TPP2: variants seen among roughly 807,000 people sequenced by gnomAD.
TPP2 encodes tripeptidyl peptidase 2.
A neutral mutation model predicts 155.9 loss-of-function variants in TPP2; 34 were observed. That is an observed-to-expected ratio of 0.22 (90% CI 0.17 to 0.29). TPP2 has a LOEUF of 0.29. Ranked by LOEUF, TPP2 falls within the 10% of genes least tolerant of loss-of-function variation. TPP2 has a pLI of 1.00. For synonymous variants in TPP2, 510 were observed against 529.4 expected (o/e 0.96, Z 0.50); for missense variants, 1,028 against 1,522.3 (o/e 0.68, Z 5.40).
chr13:102,644,705 T>G, intron 18 of TPP2, 32 bp downstream of exon 18: 1 of 1,556,632 alleles, frequency 6.4e-7, no homozygotes, highest in African/African-American at 1.4e-5. Context: ...TGATTTTTAA[T>G]GTCAGTTACT....
chr13:102,602,892 AGTTTTTTTGTTTTTTT>A (rs371075305), intron 1 of TPP2, among the ~76,000 whole-genome samples: 2 of 148,350 alleles, frequency 1.3e-5, no homozygotes, highest in African/African-American at 2.5e-5. Flanking sequence ...TTGAGGATGG[AGTTTTTTTGTTTTTTT>A]GTTTTTTTGT....
At chr13:102,654,939 G>A in intron 24 of TPP2, 1 of 490,770 alleles carries the variant, frequency 2.0e-6, no homozygotes, top group Admixed American at 2.1e-5. Flanking sequence ...GAGCAGGACA[G>A]GCAGCTGGGT....
chr13:102,653,339 C>A (rs614103), intron 24 of TPP2, among the ~76,000 whole-genome samples: 75,417 of 151,858 alleles, frequency 0.5, 19,112 homozygotes, highest in African/African-American at 0.6. Flanking sequence ...TGATTTGAAA[C>A]GGTATGTCAC....
intron 3 of TPP2, among the ~76,000 whole-genome samples, chr13:102,615,152 C>T (rs904536954): frequency 2.0e-5 from 3 of 152,140 alleles, no homozygotes; most frequent in Non-Finnish European, 2.9e-5. Context: ...AATCATTCTG[C>T]AAAACAAACA....
At chr13:102,633,611 G>C (rs968577992) in intron 10 of TPP2, among the ~76,000 whole-genome samples, 1 of 152,080 alleles carries the variant, frequency 6.6e-6, no homozygotes, top group Admixed American at 6.5e-5. Flanking sequence ...TTACAGATAA[G>C]AGAGATGTAC....
rs1884502189 is a variant in TPP2, at chr13:102,665,066, T to C, written c.3371+141T>C. The C allele has an allele frequency of 2.8e-6, 3 of 1,059,018 alleles. No individual in the cohort carries two copies. The South Asian group carries it at 5.1e-5, about 18-fold the overall frequency. The allele number at this position is 1,059,018 out of a possible 1,614,324, so 65.6% of individuals were successfully genotyped here. On this transcript the variant is annotated intron_variant, in intron 27 of 29. Coordinates refer to ENST00000376052, the MANE Select transcript of TPP2 (RefSeq NM_001330588.2). ...ATGGGAATTATCACTATTTGGATAC[T>C]CCCCTCCTTAGAAATTTTAAAATAA...
intron 5 of TPP2, among the ~76,000 whole-genome samples, chr13:102,620,536 A>AT (rs1431713678): frequency 6.6e-6 from 1 of 152,198 alleles, no homozygotes; most frequent in African/African-American, 2.4e-5. Flanking sequence ...AGATGTTCTC[A>AT]TTTCACATTT....
chr13:102,624,019 C>T (rs909839441), intron 6 of TPP2, among the ~76,000 whole-genome samples: 8 of 152,146 alleles, frequency 5.3e-5, no homozygotes, highest in Middle Eastern at 3.4e-3. Context: ...GTAGTTGGTG[C>T]GGAACCTGTG....
Position 102,597,170 on chromosome 13 carries a change from C to T in TPP2, c.132C>T (p.Asp44=), listed in dbSNP as rs1488062822. 2 of 1,560,962 alleles carry T rather than the reference C, an allele frequency of 1.3e-6. No homozygotes were observed. The highest frequency in any genetic ancestry group is 1.1e-5 in the South Asian group (1 of 87,212). The change falls in exon 1 of 30, where the codon GAC becomes GAT. Residue 44 remains aspartate (D), a synonymous_variant. Coordinates refer to ENST00000376052, the MANE Select transcript of TPP2 (RefSeq NM_001330588.2). The part of the protein sequence containing the change: ...DGRGVLIAVL[D]TGVDPGAPGM... ...GGGGGGTGCTCATCGCAGTCCTGGA[C>T]ACGGGGGTCGACCCGGGGGCTCCGG...
intron 27 of TPP2, among the ~76,000 whole-genome samples, chr13:102,668,407 G>A (rs1595217843): frequency 6.6e-6 from 1 of 152,300 alleles, no homozygotes; most frequent in East Asian, 1.9e-4. Context: ...GATGTGTGCA[G>A]CAACTGGTTT....
At chr13:102,608,912 T>A (rs989381362) in intron 2 of TPP2, among the ~76,000 whole-genome samples, 4 of 152,216 alleles carry the variant, frequency 2.6e-5, no homozygotes, top group African/African-American at 9.6e-5. Flanking sequence ...GATTGGAAGC[T>A]CCTCTGCTTA....
At chr13:102,619,070 C>G (rs1880957873) in intron 5 of TPP2, among the ~76,000 whole-genome samples, 1 of 152,098 alleles carries the variant, frequency 6.6e-6, no homozygotes, top group Non-Finnish European at 1.5e-5. Flanking sequence ...TTTAAATAAA[C>G]TTACTTCATT....
intron 10 of TPP2, among the ~76,000 whole-genome samples, chr13:102,632,241 G>C (rs1882065351): frequency 6.7e-6 from 1 of 148,170 alleles, no homozygotes; most frequent in African/African-American, 2.6e-5. Context: ...TGTTTCATGA[G>C]ACTTTTTTTT....
intron 12 of TPP2, 125 bp downstream of exon 12, chr13:102,635,827 T>C (rs1882339562): frequency 1.4e-6 from 1 of 731,496 alleles, no homozygotes; most frequent in African/African-American, 1.8e-5. Flanking sequence ...TATATGGCCA[T>C]AGAACTACAA....
intron 10 of TPP2, among the ~76,000 whole-genome samples, chr13:102,630,989 A>C (rs1268749184): frequency 6.6e-6 from 1 of 152,168 alleles, no homozygotes; most frequent in Non-Finnish European, 1.5e-5. Flanking sequence ...AGGTGGGAGC[A>C]ATCACTTGAG....
rs1449753501 is a variant in TPP2, at chr13:102,629,467, T to C, written c.1017-15T>C. 6.7e-7 allele frequency: 1 copy of C among 1,482,686 alleles called. No homozygotes were observed. The highest frequency in any genetic ancestry group is 8.9e-7 in the Non-Finnish European group (1 of 1,123,108). 91.8% of individuals were successfully genotyped at this position (1,482,686 alleles called of 1,614,324 possible). On this transcript the variant is annotated splice_polypyrimidine_tract_variant and intron_variant, in intron 8 of 29. Coordinates refer to ENST00000376052, the MANE Select transcript of TPP2 (RefSeq NM_001330588.2). ...GAGGCTGATTATATGTTCAAAGGAATTCTCTCTTTTTCAGGAGAATTTGTG... is the reference window on the plus strand; with the variant it reads ...GAGGCTGATTATATGTTCAAAGGAACTCTCTCTTTTTCAGGAGAATTTGTG...
chr13:102,652,085 A>G (rs1883531596), intron 24 of TPP2, among the ~76,000 whole-genome samples: 1 of 152,142 alleles, frequency 6.6e-6, no homozygotes, highest in African/African-American at 2.4e-5. Flanking sequence ...TGCTATAAAT[A>G]TATTTTAGGG....
At chr13:102,605,280 A>C (rs895258043) in intron 2 of TPP2, among the ~76,000 whole-genome samples, 1 of 152,188 alleles carries the variant, frequency 6.6e-6, no homozygotes, top group Non-Finnish European at 1.5e-5. Flanking sequence ...GCAGTGCTGC[A>C]GTACCTGGCA....
intron 2 of TPP2, among the ~76,000 whole-genome samples, chr13:102,610,539 T>G (rs1202677639): frequency 6.6e-6 from 1 of 152,186 alleles, no homozygotes; most frequent in African/African-American, 2.4e-5. Context: ...TGTCATGCTT[T>G]GAAATGAATT....
Sources: gnomAD v4.1 joint callset for allele counts (sites outside exome capture counted in the v4.1 genomes callset) on GRCh38, gnomAD v4.1.1 for gene constraint, MANE v1.5 for transcripts, NCBI Gene and HGNC (gene_info 2026-07-23, HGNC 2026-07-21) for gene names.